USP37: variants seen among roughly 807,000 people sequenced by gnomAD.
The protein encoded by USP37 is ubiquitin specific peptidase 37, also known as ubiquitin carboxyl-terminal hydrolase 37.
USP37 carries 27 observed loss-of-function variants against 124.0 expected under a neutral mutation model. That is an observed-to-expected ratio of 0.22 (90% CI 0.16 to 0.30). USP37 has a LOEUF of 0.30. Ranked by LOEUF, USP37 falls within the 10% of genes least tolerant of loss-of-function variation. The pLI, the probability that USP37 is intolerant of heterozygous loss-of-function variation, is 1.00. For missense variants in USP37, 889 were observed against 1,140.4 expected (o/e 0.78, Z 3.17); for synonymous variants, 365 against 388.0 (o/e 0.94, Z 0.70).
intron 20 of USP37, among the ~76,000 whole-genome samples, chr2:218,472,072 C>T (rs1042731964): frequency 1.3e-5 from 2 of 151,236 alleles, no homozygotes; most frequent in Admixed American, 1.3e-4. Context: ...GCTGGGATGG[C>T]TAGATATCCT....
At chr2:218,563,416 G>T (rs1444729574) in intron 1 of USP37, among the ~76,000 whole-genome samples, 1 of 152,194 alleles carries the variant, frequency 6.6e-6, no homozygotes, top group Non-Finnish European at 1.5e-5. Context: ...TAAGAAGTCA[G>T]TGAGAAAGAA....
At chr2:218,502,009 TAAC>T (rs1689415411) in intron 11 of USP37, among the ~76,000 whole-genome samples, 3 of 152,066 alleles carry the variant, frequency 2.0e-5, no homozygotes, top group Non-Finnish European at 4.4e-5. Context: ...CACAGAGTGT[TAAC>T]AGAGACTCCA....
chr2:218,474,900 T>G lies in USP37; in HGVS notation c.2044-15A>C. ...AATTTTGAATCCTGAAGAAGAGAGT[T>G]ACTTTTAGAAGAAACCAGAATACCT... On this transcript the variant is annotated splice_polypyrimidine_tract_variant and intron_variant, in intron 19 of 25. Transcript: ENST00000258399. The G allele has an allele frequency of 6.2e-7, 1 of 1,600,776 alleles. No individual in the cohort carries two copies. Among genetic ancestry groups the G allele is most frequent in the Non-Finnish European group, 8.5e-7 (1 of 1,174,286 alleles).
In USP37 at chr2:218,450,755, C is replaced by T. The variant is rs558690333; in HGVS notation, c.*4175G>A. The T allele has an allele frequency of 6.6e-6, 1 of 152,314 alleles. No individual in the cohort carries two copies. Among genetic ancestry groups the T allele is most frequent in the Non-Finnish European group, 1.5e-5 (1 of 68,038 alleles). 9.4% of individuals were successfully genotyped at this position (152,314 alleles called of 1,614,324 possible). A position where few individuals can be genotyped will look rare whatever the true frequency, so the allele number is the denominator to read the frequency against. ...CCTGGAACCTGGTCCAGACCCTCAC[C>T]CACTCTATTCTTATGCCAATGGACA... On this transcript the variant is annotated 3_prime_UTR_variant, in exon 26 of 26. Coordinates refer to ENST00000258399, the MANE Select transcript of USP37 (RefSeq NM_020935.3).
At chr2:218,567,212 G>C (rs1307480540) in intron 1 of USP37, among the ~76,000 whole-genome samples, 3 of 152,032 alleles carry the variant, frequency 2.0e-5, no homozygotes, top group Non-Finnish European at 4.4e-5. Context: ...TATATCACTG[G>C]GTTTTTCAGT....
intron 20 of USP37, among the ~76,000 whole-genome samples, chr2:218,469,377 G>A (rs1303040641): frequency 6.6e-6 from 1 of 152,134 alleles, no homozygotes; most frequent in Non-Finnish European, 1.5e-5. Context: ...CAACCAATCA[G>A]ATTATCTGTT....
intron 8 of USP37, among the ~76,000 whole-genome samples, chr2:218,539,038 G>C (rs931395641): frequency 3.9e-5 from 6 of 152,040 alleles, no homozygotes; most frequent in Non-Finnish European, 8.8e-5. Flanking sequence ...TGTGATCTCG[G>C]CTCACTGCAA....
chr2:218,480,732 G>A (rs536063210), intron 17 of USP37, among the ~76,000 whole-genome samples: 2 of 152,304 alleles, frequency 1.3e-5, no homozygotes, highest in African/African-American at 4.8e-5. Flanking sequence ...CTATCAAATT[G>A]TACAGTCAGA....
chr2:218,539,818 T>C (rs1691876715), intron 8 of USP37, among the ~76,000 whole-genome samples: 1 of 151,982 alleles, frequency 6.6e-6, no homozygotes, highest in Non-Finnish European at 1.5e-5. Context: ...GAGACCAGCC[T>C]GGCTAACATG....
rs200061544 is a variant in USP37 at position 218,454,968 on chromosome 2, T to G, written c.2902A>C (p.Ser968Arg). 1 of 1,614,136 alleles carries G rather than the reference T, an allele frequency of 6.2e-7. No homozygotes were observed. The highest frequency in any genetic ancestry group is 1.3e-5 in the African/African-American group (1 of 75,052). The change falls in exon 26 of 26, where the codon AGC becomes CGC. Residue 968 changes from serine (S) to arginine (R), a missense_variant. Coordinates refer to ENST00000258399, the MANE Select transcript of USP37 (RefSeq NM_020935.3). ...CGGGTAGTCTTCCCCACTTCCGTGCTAAGTGACTGAGAGTTCTTTTCTGTT... is the reference window on the plus strand; with the variant it reads ...CGGGTAGTCTTCCCCACTTCCGTGCGAAGTGACTGAGAGTTCTTTTCTGTT... ...LETEKNSQSL[S>R]TEVGKTTRQA...
intron 10 of USP37, among the ~76,000 whole-genome samples, chr2:218,523,424 A>T (rs78065510): frequency 0.049 from 7,390 of 152,308 alleles, 511 homozygotes; most frequent in African/African-American, 0.16. Flanking sequence ...TGAAACTTGG[A>T]ACATTTCAGA....
chr2:218,522,964 C>A (rs1349270621), intron 10 of USP37, among the ~76,000 whole-genome samples: 1 of 152,094 alleles, frequency 6.6e-6, no homozygotes, highest in East Asian at 1.9e-4. Flanking sequence ...CATGGTGAAA[C>A]CCCCTTTCTA....
At chr2:218,495,629 G>C (rs1344089936) in intron 14 of USP37, 131 bp downstream of exon 14, 7 of 1,006,928 alleles carry the variant, frequency 7.0e-6, no homozygotes, top group Admixed American at 3.1e-5. Flanking sequence ...GCACCCAAGA[G>C]CCTAGGCAAC....
intron 20 of USP37, among the ~76,000 whole-genome samples, chr2:218,471,058 C>T (rs1293557259): frequency 6.6e-6 from 1 of 152,160 alleles, no homozygotes; most frequent in African/African-American, 2.4e-5. Flanking sequence ...ACAAAACTGA[C>T]TAGTAGCATT....
chr2:218,510,215 G>T (rs995454922), intron 10 of USP37, 75 bp from the exon 11 acceptor site: 3 of 1,476,296 alleles, frequency 2.0e-6, no homozygotes, highest in Admixed American at 2.3e-5. Context: ...TAGATTAAGA[G>T]AAGTCAATGT....
chr2:218,483,976 C>T (rs1456625196), intron 16 of USP37, among the ~76,000 whole-genome samples: 1 of 151,598 alleles, frequency 6.6e-6, no homozygotes. Context: ...CTGGCCAACA[C>T]GGCGCGACCC....
intron 11 of USP37, among the ~76,000 whole-genome samples, chr2:218,501,293 A>C (rs1285674137): frequency 2.0e-5 from 3 of 151,440 alleles, no homozygotes; most frequent in African/African-American, 7.3e-5. Flanking sequence ...GCCTGCCTTG[A>C]CCTCCCAAAG....
At chr2:218,480,865 AG>A (rs1691237018) in intron 17 of USP37, among the ~76,000 whole-genome samples, 1 of 152,238 alleles carries the variant, frequency 6.6e-6, no homozygotes, top group Admixed American at 6.5e-5. Context: ...AAGCTGTGAG[AG>A]GAAAAAACCA....
chr2:218,544,422 T>TAGAGAGAGAGAG (rs1262801588), intron 8 of USP37, among the ~76,000 whole-genome samples: 4 of 56,318 alleles, frequency 7.1e-5, no homozygotes, highest in Admixed American at 6.3e-4. Flanking sequence ...TATATATATA[T>TAGAGAGAGAGAG]ATATATATAG....
Sources: gnomAD v4.1 joint callset for allele counts (sites outside exome capture counted in the v4.1 genomes callset) on GRCh38, gnomAD v4.1.1 for gene constraint, MANE v1.5 for transcripts, NCBI Gene and HGNC (gene_info 2026-07-23, HGNC 2026-07-21) for gene names.